Variants in VSIG4 observed in about 807,000 individuals in gnomAD.
The protein encoded by VSIG4 is V-set and immunoglobulin domain containing 4, also known as V-set and immunoglobulin domain-containing protein 4.
VSIG4 carries 34 observed loss-of-function variants against 23.4 expected under a neutral mutation model. The observed-to-expected ratio is 1.45, with a 90% CI of 1.10 to 1.93. VSIG4 has a LOEUF of 1.93. Ranked by LOEUF, VSIG4 falls within the 30% of genes most tolerant of loss-of-function variation. VSIG4 has a pLI of 0.00. For missense variants in VSIG4, 433 were observed against 310.8 expected (o/e 1.39, Z -2.96); for synonymous variants, 169 against 120.3 (o/e 1.41, Z -2.65).
intron 1 of VSIG4, among the ~76,000 whole-genome samples, chrX:66,034,704 G>A (rs2085514353): frequency 1.9e-5 from 2 of 104,182 alleles, no homozygotes; most frequent in South Asian, 4.9e-4. Flanking sequence ...CTGTAGTAGG[G>A]GTGGTGATAG....
At chrX:66,038,550 A>G (rs2085647699) in intron 1 of VSIG4, among the ~76,000 whole-genome samples, 1 of 110,897 alleles carries the variant, frequency 9.0e-6, no homozygotes, top group Non-Finnish European at 1.9e-5. Context: ...AAGGATTTAA[A>G]TTTAACATTT....
chrX:66,036,136 T>G (rs2085536392), intron 1 of VSIG4, among the ~76,000 whole-genome samples: 1 of 111,160 alleles, frequency 9.0e-6, no homozygotes, highest in Admixed American at 9.6e-5. Flanking sequence ...TTTACTTTTT[T>G]TTTCCTCTCC....
At chrX:66,026,472 G>A (rs1485764860) in intron 5 of VSIG4, among the ~76,000 whole-genome samples, 1 of 111,944 alleles carries the variant, frequency 8.9e-6, no homozygotes, top group Non-Finnish European at 1.9e-5. Context: ...AACTCCCTAT[G>A]AGGCAATTTC....
Position 66,032,582 on chromosome X carries a change from T to A in VSIG4, c.580A>T (p.Ser194Cys). The A allele has an allele frequency of 8.3e-7, 1 of 1,209,812 alleles. No individual in the cohort carries two copies. The highest frequency in any genetic ancestry group is 3.0e-5 in the East Asian group (1 of 33,748). ...NQEPIKVATL[S>C]TLLFKPAVIA... ...ACCGCAGGCTTGAAGAGTAAGGTACTTAGGGTTGCTACTTTGATGGGTTCC... is the reference window on the plus strand; with the variant it reads ...ACCGCAGGCTTGAAGAGTAAGGTACATAGGGTTGCTACTTTGATGGGTTCC... The change falls in exon 3 of 8, where the codon AGT becomes TGT. Residue 194 changes from serine (S) to cysteine (C), a missense_variant. Transcript: ENST00000374737.
At chrX:66,036,714 A>AAT (rs1217768220) in intron 1 of VSIG4, among the ~76,000 whole-genome samples, 2 of 55,079 alleles carry the variant, frequency 3.6e-5, no homozygotes, top group African/African-American at 1.5e-4. Context: ...ATAATTATAT[A>AAT]ATATATATAT....
chrX:66,037,815 G>GTATATATACT (rs1569246444), intron 1 of VSIG4, among the ~76,000 whole-genome samples: 12 of 63,908 alleles, frequency 1.9e-4, no homozygotes, highest in African/African-American at 9.6e-4. Flanking sequence ...TATATATACA[G>GTATATATACT]TATTGAGCTT....
intron 3 of VSIG4, among the ~76,000 whole-genome samples, chrX:66,029,198 G>T (rs888032654): frequency 9.0e-6 from 1 of 111,663 alleles, no homozygotes; most frequent in African/African-American, 3.3e-5. Flanking sequence ...AGACTAAAAG[G>T]GTTTGGGCTT....
intron 5 of VSIG4, among the ~76,000 whole-genome samples, chrX:66,025,756 T>C (rs1428766268): frequency 2.7e-5 from 3 of 112,162 alleles, no homozygotes; most frequent in African/African-American, 9.7e-5. Context: ...TTAGTTTACA[T>C]AGTAAAAAGG....
At chrX:66,027,102 T>A (rs1418738260) in intron 5 of VSIG4, among the ~76,000 whole-genome samples, 2 of 111,758 alleles carry the variant, frequency 1.8e-5, no homozygotes, top group African/African-American at 6.5e-5. Flanking sequence ...GCAATGACAC[T>A]CAGCCATTAT....
chrX:66,034,770 G>T, intron 1 of VSIG4, among the ~76,000 whole-genome samples: 1 of 87,610 alleles, frequency 1.1e-5, no homozygotes, highest in South Asian at 7.7e-4. Context: ...TGGGGATGGG[G>T]GTGGGGGTGG....
At chrX:66,036,961 T>G (rs867849570) in intron 1 of VSIG4, among the ~76,000 whole-genome samples, 246 of 23,213 alleles carry the variant, frequency 0.011, no homozygotes, top group Admixed American at 0.013. Flanking sequence ...TATATTATAT[T>G]ATATAATATA....
intron 5 of VSIG4, among the ~76,000 whole-genome samples, chrX:66,026,125 G>A (rs1259181458): frequency 8.0e-5 from 9 of 112,039 alleles, no homozygotes; most frequent in Non-Finnish European, 1.3e-4. Flanking sequence ...ATTGGATGAT[G>A]TCTAAAGCAC....
intron 1 of VSIG4, among the ~76,000 whole-genome samples, chrX:66,036,678 A>G (rs1449785103): frequency 1.6e-5 from 1 of 61,749 alleles, no homozygotes; most frequent in Non-Finnish European, 2.8e-5. Flanking sequence ...TATAATATAT[A>G]TAATACGATA....
At chrX:66,027,405 TTA>T (rs2085404027) in intron 5 of VSIG4, 42 bp downstream of exon 5, 1 of 1,114,533 alleles carries the variant, frequency 9.0e-7, no homozygotes, top group Non-Finnish European at 1.2e-6. Flanking sequence ...GTCACAAAGC[TTA>T]GAGTCAAGAA....
chrX:66,032,474 C>T lies in VSIG4; in HGVS notation c.688G>A (p.Val230Ile). The change falls in exon 3 of 8, where the codon GTC (valine) becomes ATC (isoleucine). Residue 230 changes from valine to isoleucine, a missense_variant. By Grantham distance (29) the Val-to-Ile change is conservative. Coordinates refer to ENST00000374737, the MANE Select transcript of VSIG4 (RefSeq NM_007268.3). ...EQHSDIVKFV[V>I]KDSSKLLKTK... ...AGGAAAGAGGGCCGCTCACCTTTGACCACAAACTTCACAATGTCGCTGTGC... is the reference window on the plus strand; with the variant it reads ...AGGAAAGAGGGCCGCTCACCTTTGATCACAAACTTCACAATGTCGCTGTGC... 8.3e-7 allele frequency: 1 copy of T among 1,209,146 alleles called. No homozygotes were observed. The highest frequency in any genetic ancestry group is 1.7e-5 in the African/African-American group (1 of 57,751).
At chrX:66,024,217 T>C (rs1246042446) in intron 6 of VSIG4, among the ~76,000 whole-genome samples, 1 of 112,404 alleles carries the variant, frequency 8.9e-6, no homozygotes, top group Non-Finnish European at 1.9e-5. Flanking sequence ...ATCCCAATTT[T>C]TTTCCTCCTC....
chrX:66,027,378 C>T, intron 5 of VSIG4, 71 bp downstream of exon 5: 1 of 907,122 alleles, frequency 1.1e-6, no homozygotes. Context: ...GAACAGTGTG[C>T]ATAAGGGAAA....
In VSIG4 at chrX:66,027,493, G is replaced by A; in HGVS notation, c.791C>T (p.Thr264Ile). Residue 264 changes from threonine (T) to isoleucine (I), a missense_variant, in exon 5 of 8, where the codon ACC becomes ATC. Transcript: ENST00000374737. Reference protein sequence around the residue: ...TSTVKQSWDWTTDMDGYLGET... With the variant: ...TSTVKQSWDWITDMDGYLGET... ...TCCAAGGTAGCCATCCATGTCAGTG[G>A]TCCAGTCCCAGGACTGCTTCACTGT... is the stretch of plus-strand genomic sequence containing the variant. 8.3e-7 allele frequency: 1 copy of A among 1,203,906 alleles called. No homozygotes were observed. The highest frequency in any genetic ancestry group is 2.3e-4 in the Middle Eastern group (1 of 4,342).
intron 5 of VSIG4, among the ~76,000 whole-genome samples, chrX:66,025,870 G>A (rs1008469101): frequency 1.8e-5 from 2 of 112,220 alleles, no homozygotes; most frequent in Non-Finnish European, 3.8e-5. Context: ...AGAAAGACAA[G>A]GAAATTAATT....
Sources: gnomAD v4.1 joint callset for allele counts (sites outside exome capture counted in the v4.1 genomes callset) on GRCh38, gnomAD v4.1.1 for gene constraint, MANE v1.5 for transcripts, NCBI Gene and HGNC (gene_info 2026-07-23, HGNC 2026-07-21) for gene names.